Variants in TOPBP1 observed in about 807,000 individuals in gnomAD.
TOPBP1 encodes the protein DNA topoisomerase 2-binding protein 1.
In TOPBP1, 28 loss-of-function variants were observed where a neutral mutation model predicts 167.7. That is an observed-to-expected ratio of 0.17 (90% CI 0.12 to 0.23). The LOEUF (loss-of-function observed/expected upper bound fraction) is 0.23, where lower values mean the gene tolerates loss of function less well. TOPBP1 is among the 10% of genes least tolerant of loss of function. TOPBP1 has a pLI of 1.00. For missense variants in TOPBP1, 1,554 were observed against 1,809.6 expected, an observed-to-expected ratio of 0.86 and a Z score of 2.56; for synonymous variants, 598 against 611.4, an observed-to-expected ratio of 0.98 and a Z score of 0.32.
chr3:133,629,447 A>G (rs1391879883), intron 14 of TOPBP1, among the ~76,000 whole-genome samples: 1 of 152,216 alleles, frequency 6.6e-6, no homozygotes, highest in East Asian at 1.9e-4. Context: ...CTACCAGCCC[A>G]GTGCAGTGGC....
chr3:133,639,449 AGGATGGGG>A lies in TOPBP1; in HGVS notation c.2233+502_2233+509del, dbSNP rs1274503735. On this transcript the variant is annotated intron_variant, in intron 13 of 27. Coordinates refer to ENST00000260810, the MANE Select transcript of TOPBP1 (RefSeq NM_007027.4). ...AACATCACACACCGGGGCCTGTCGTAGGATGGGGGGATGGGGGAGGGATAGTATTAGGA... is the reference window on the plus strand; with the variant it reads ...AACATCACACACCGGGGCCTGTCGTAGGATGGGGGAGGGATAGTATTAGGA... Among the ~76,000 whole-genome samples, 8 of 152,246 alleles carry A rather than the reference AGGATGGGG, an allele frequency of 5.3e-5. No homozygotes were observed. In the South Asian group the frequency reaches 1.7e-3, roughly 32 times the overall value.
chr3:133,657,637 G>C (rs899659683), intron 4 of TOPBP1, among the ~76,000 whole-genome samples, 161 bp downstream of exon 4: 5 of 152,102 alleles, frequency 3.3e-5, no homozygotes, highest in African/African-American at 1.2e-4. Flanking sequence ...CTTAAAAAAT[G>C]TACATGTATA....
chr3:133,641,272 C>T (rs1935882373), intron 12 of TOPBP1, among the ~76,000 whole-genome samples: 1 of 152,136 alleles, frequency 6.6e-6, no homozygotes, highest in Non-Finnish European at 1.5e-5. Flanking sequence ...TTCCTTTTTA[C>T]ATTTGGGTCT....
intron 27 of TOPBP1, among the ~76,000 whole-genome samples, chr3:133,605,396 T>A (rs961999509): frequency 4.6e-5 from 7 of 152,132 alleles, no homozygotes; most frequent in African/African-American, 1.4e-4. Flanking sequence ...AAAACAATTT[T>A]AAAAATTTTT....
At chr3:133,626,307 C>T (rs1315428786) in intron 16 of TOPBP1, among the ~76,000 whole-genome samples, 2 of 152,040 alleles carry the variant, frequency 1.3e-5, no homozygotes, top group African/African-American at 2.4e-5. Context: ...TTATTTTGGA[C>T]ATTTGTGAGG....
chr3:133,635,754 T>C (rs1391983201), intron 14 of TOPBP1, among the ~76,000 whole-genome samples: 1 of 152,200 alleles, frequency 6.6e-6, no homozygotes, highest in African/African-American at 2.4e-5. Flanking sequence ...AGCTGAAATA[T>C]AACCCAACAA....
Position 133,617,276 on chromosome 3 carries a change from T to C in TOPBP1, c.3643A>G (p.Ile1215Val), listed in dbSNP as rs1404758103. The C allele has an allele frequency of 6.2e-7, 1 of 1,613,532 alleles. No homozygotes were observed. The highest frequency in any genetic ancestry group is 8.5e-7 in the Non-Finnish European group (1 of 1,179,726). The change falls in exon 22 of 28, where the codon ATC becomes GTC. Residue 1215 changes from isoleucine (I) to valine (V), a missense_variant. By Grantham distance (29) the Ile-to-Val change is conservative (BLOSUM62 3). Around this residue, in one of 3 missense-constraint regions of TOPBP1, gnomAD observed 351 missense variants for 432.9 expected, o/e 0.81. Transcript: ENST00000260810. The stretch of plus-strand genomic sequence containing the variant: ...ATGGGAGTTTCCAGTTCTTCAGAGA[T>C]TGGGTGTTTGGGAGCTTCAGTCACA... ...IRVTEAPKHP[I>V]SEELETPIKD...
At chr3:133,604,536 A>T (rs1290958300) in intron 27 of TOPBP1, among the ~76,000 whole-genome samples, 2 of 151,964 alleles carry the variant, frequency 1.3e-5, no homozygotes, top group African/African-American at 4.8e-5. Context: ...TTTGAAAAAC[A>T]CCAGTTATTA....
rs79682134 is a variant in TOPBP1, at chr3:133,638,407, T to C, written c.2234-245A>G. On this transcript the variant is annotated intron_variant, in intron 13 of 27. Transcript: ENST00000260810. ...CAAACCAGATTATGCATTAAATATATGTTGAGTTAGACAAGCACATTAACT... is the reference window on the plus strand; with the variant it reads ...CAAACCAGATTATGCATTAAATATACGTTGAGTTAGACAAGCACATTAACT... 7.2e-5 allele frequency among the ~76,000 whole-genome samples: 11 copies of C among 152,340 alleles called. No individual in the cohort carries two copies. The East Asian group carries it at 1.9e-3, about 27-fold the overall frequency.
Position 133,639,970 on chromosome 3 carries a change from G to T in TOPBP1, c.2222C>A (p.Ser741Ter). 1 of 1,613,494 alleles carries T rather than the reference G, an allele frequency of 6.2e-7. No homozygotes were observed. The highest frequency in any genetic ancestry group is 8.5e-7 in the Non-Finnish European group (1 of 1,179,692). ...ADESHFLIEN[S>*]TKEERSLETE... is the part of the protein sequence containing the mutation. ...ATAAAAGTATTAACCTTCTTTAGTT[G>T]AATTTTCAATCAGAAAATGGCTTTC... The change falls in exon 13 of 28, where the codon TCA (serine) becomes TAA (stop). Residue 741 changes from serine (S) to a stop codon, truncating the protein, a stop_gained. Transcript: ENST00000260810. LOFTEE classifies it high-confidence loss of function.
At position 133,619,182 on chromosome 3, in the gene TOPBP1, A is replaced by AC. The variant is rs763874760; in HGVS notation, c.3372-750dup. Among the ~76,000 whole-genome samples, 17 of 152,094 alleles carry AC rather than the reference A, an allele frequency of 1.1e-4. No individual in the cohort carries two copies. In the East Asian group the frequency reaches 2.3e-3, roughly 21 times the overall value. ...ACCCATAAAACAATTTACCAAAGGA[A>AC]CCCCCAAATAGTTCCTTTGCTTCAA... On this transcript the variant is annotated intron_variant, in intron 20 of 27. Transcript: ENST00000260810.
In TOPBP1 at chr3:133,657,863, G is replaced by C. The variant is rs747906236; in HGVS notation, c.298C>G (p.Pro100Ala). 1 of 1,601,772 alleles carries C rather than the reference G, an allele frequency of 6.2e-7. No individual in the cohort carries two copies. Among genetic ancestry groups the C allele is most frequent in the Admixed American group, 1.7e-5 (1 of 57,454 alleles). Reference sequence around the variant, plus strand: ...TCAGACATAACCATATTATAAACTGGATGTTCGGCTCTTGGGACACATCGC... The same window carrying C: ...TCAGACATAACCATATTATAAACTGCATGTTCGGCTCTTGGGACACATCGC... ...HQRCVPRAEH[P>A]VYNMVMSDVT... Residue 100 changes from proline to alanine, a missense_variant, in exon 4 of 28, where the codon CCA (proline) becomes GCA (alanine). Physicochemically the swap from Pro to Ala is conservative, Grantham distance 27 (BLOSUM62 -1). Transcript: ENST00000260810.
intron 11 of TOPBP1, among the ~76,000 whole-genome samples, chr3:133,643,791 A>G (rs957400543): frequency 6.6e-6 from 1 of 152,124 alleles, no homozygotes; most frequent in Non-Finnish European, 1.5e-5. Context: ...ACCTCCTAAG[A>G]AGGAATGTTG....
At chr3:133,623,728 GA>G (rs1935174981) in intron 17 of TOPBP1, among the ~76,000 whole-genome samples, 1 of 151,222 alleles carries the variant, frequency 6.6e-6, no homozygotes, top group Non-Finnish European at 1.5e-5. Flanking sequence ...GAATACCCAG[GA>G]AAAAAAAGAA....
At position 133,632,790 on chromosome 3, in the gene TOPBP1, T is replaced by A. The variant is rs529418701; in HGVS notation, c.2521-4057A>T. ...ATATAGTTATTTCTTCTTCTTTTTT[T>A]GAGACAGGGTCTCAGTTTGTCACCC... is the stretch of plus-strand genomic sequence containing the variant. On this transcript the variant is annotated intron_variant, in intron 14 of 27. Transcript: ENST00000260810. Among the ~76,000 whole-genome samples, 4 of 152,286 alleles carry A rather than the reference T, an allele frequency of 2.6e-5. No individual in the cohort carries two copies. The East Asian group carries it at 7.7e-4, about 29-fold the overall frequency.
intron 6 of TOPBP1, among the ~76,000 whole-genome samples, chr3:133,654,690 GAAT>G (rs1490258265): frequency 1.3e-5 from 2 of 152,112 alleles, no homozygotes; most frequent in Admixed American, 6.5e-5. Flanking sequence ...AAATTATCCA[GAAT>G]AATGTTATGT....
intron 16 of TOPBP1, among the ~76,000 whole-genome samples, chr3:133,626,931 G>A (rs187483155): frequency 6.6e-6 from 1 of 152,114 alleles, no homozygotes; most frequent in Admixed American, 6.5e-5. Flanking sequence ...TGCAAAGATC[G>A]GGCCTACATG....
chr3:133,645,701 A>T (rs886199769), intron 10 of TOPBP1, among the ~76,000 whole-genome samples: 1 of 152,208 alleles, frequency 6.6e-6, no homozygotes, highest in African/African-American at 2.4e-5. Flanking sequence ...GTTCTTATAA[A>T]CCATCAGTAA....
Position 133,638,130 on chromosome 3 carries a change from T to C in TOPBP1, c.2266A>G (p.Ile756Val), listed in dbSNP as rs1440907727. The change falls in exon 14 of 28, where the codon ATC (isoleucine) becomes GTC (valine). Residue 756 changes from isoleucine (I) to valine (V), a missense_variant. This residue lies in a region of TOPBP1 where 1,197 missense variants were observed against 1,351.5 expected (regional missense o/e 0.89). Coordinates refer to ENST00000260810, the MANE Select transcript of TOPBP1 (RefSeq NM_007027.4). Reference sequence around the variant, plus strand: ...TCTGCAGTATCTGAATTTAGATTGATTCCATTTGTTATTTCTGTTTCCAAA... The same window carrying C: ...TCTGCAGTATCTGAATTTAGATTGACTCCATTTGTTATTTCTGTTTCCAAA... Reference protein sequence around the residue: ...RSLETEITNGINLNSDTAEHP... With the variant: ...RSLETEITNGVNLNSDTAEHP... The C allele has an allele frequency of 6.2e-7, 1 of 1,613,918 alleles. No individual in the cohort carries two copies. The highest frequency in any genetic ancestry group is 1.1e-5 in the South Asian group (1 of 91,080).
Sources: allele counts gnomAD v4.1 joint callset (sites outside exome capture counted in the v4.1 genomes callset), GRCh38; gene constraint gnomAD v4.1.1; regional missense constraint gnomAD v4.1.1; transcripts MANE v1.5; gene names NCBI Gene and HGNC (gene_info 2026-07-23, HGNC 2026-07-21).